MAPT: variants seen among roughly 807,000 people sequenced by gnomAD.
MAPT encodes microtubule associated protein tau, also known as microtubule-associated protein tau.
Under a neutral mutation model 67.9 loss-of-function variants are expected in MAPT, and 34 were observed. That is an observed-to-expected ratio of 0.50 (90% CI 0.38 to 0.67). The LOEUF (loss-of-function observed/expected upper bound fraction) is 0.67. MAPT is among the 30% of genes least tolerant of loss of function. The probability of loss-of-function intolerance (pLI) is 0.00; values close to 1 mark genes in which losing one functional copy is unlikely to be tolerated. For synonymous variants in MAPT, 456 were observed against 464.5 expected, an observed-to-expected ratio of 0.98 and a Z score of 0.23; for missense variants, 881 against 1,115.2, an observed-to-expected ratio of 0.79 and a Z score of 2.99.
At chr17:45,998,296 A>T (rs908691709) in intron 9 of MAPT, among the ~76,000 whole-genome samples, 1 of 151,736 alleles carries the variant, frequency 6.6e-6, no homozygotes, top group Admixed American at 6.6e-5. Flanking sequence ...GCAGTGTCAC[A>T]TCCCATCGGG....
intron 1 of MAPT, among the ~76,000 whole-genome samples, chr17:45,959,106 C>A (rs2070087867): frequency 6.6e-6 from 1 of 152,064 alleles, no homozygotes; most frequent in South Asian, 2.1e-4. Flanking sequence ...TCTAGGATAT[C>A]ATTTAAAAAA....
At chr17:46,003,016 T>C (rs2075134022) in intron 9 of MAPT, among the ~76,000 whole-genome samples, 1 of 152,116 alleles carries the variant, frequency 6.6e-6, no homozygotes, top group Admixed American at 6.6e-5. Flanking sequence ...ACTCCTGGGC[T>C]CAAGTGATCC....
rs940936590 is a variant in MAPT at position 45,982,886 on chromosome 17, C to T, written c.307C>T (p.Arg103Trp). ...VTQEELRVPG[R>W]QRKAPERPLA... ...ACCAGAGGAGTTGAGAGTTCCGGGCCGGCAGAGGAAGGCGCCTGAAAGGCC... is the reference window on the plus strand; with the variant it reads ...ACCAGAGGAGTTGAGAGTTCCGGGCTGGCAGAGGAAGGCGCCTGAAAGGCC... Residue 103 changes from arginine to tryptophan, a missense_variant, in exon 5 of 13, where the codon CGG (arginine) becomes TGG (tryptophan). Around this residue, in one of 6 missense-constraint regions of MAPT, gnomAD observed 687 missense variants for 766.1 expected, o/e 0.90. Transcript: ENST00000262410. 21 of 1,325,766 alleles carry T rather than the reference C, an allele frequency of 1.6e-5. No individual in the cohort carries two copies. Among genetic ancestry groups the T allele is most frequent in the Admixed American group, 3.3e-5 (1 of 30,398 alleles). The allele number at this position is 1,325,766 out of a possible 1,614,324, so 82.1% of individuals were successfully genotyped here.
intron 1 of MAPT, among the ~76,000 whole-genome samples, chr17:45,935,972 C>T (rs1347996756): frequency 2.6e-5 from 4 of 152,188 alleles, no homozygotes; most frequent in Non-Finnish European, 5.9e-5. Flanking sequence ...TTACCCATGG[C>T]CTTGGACTGT....
chr17:46,009,359 A>ACAGCCCCCCC (rs1443202746), intron 9 of MAPT, among the ~76,000 whole-genome samples: 18 of 147,664 alleles, frequency 1.2e-4, no homozygotes, highest in South Asian at 2.1e-4. Flanking sequence ...TTTCTATTTC[A>ACAGCCCCCCC]TAGTTCTTAG....
At chr17:45,984,004 A>G in intron 5 of MAPT, 74 bp downstream of exon 5, 1 of 1,302,822 alleles carries the variant, frequency 7.7e-7, no homozygotes, top group Middle Eastern at 2.1e-4. Context: ...ACTGCCACTG[A>G]GCTTCCAGGC....
chr17:45,992,946 T>TGCCTGCCC (rs977323064), intron 8 of MAPT, among the ~76,000 whole-genome samples: 6 of 151,148 alleles, frequency 4.0e-5, no homozygotes, highest in Admixed American at 3.3e-4. Context: ...ACAGCCTGCC[T>TGCCTGCCC]GCCTGCCCGA....
chr17:45,938,610 G>A (rs1043715108), intron 1 of MAPT, among the ~76,000 whole-genome samples: 2 of 152,076 alleles, frequency 1.3e-5, no homozygotes, highest in African/African-American at 4.8e-5. Flanking sequence ...TCTCTGAAAG[G>A]CTACTTTACA....
chr17:45,959,713 G>A (rs113793114), intron 1 of MAPT, among the ~76,000 whole-genome samples: 21,819 of 152,050 alleles, frequency 0.14, 2,136 homozygotes, highest in Non-Finnish European at 0.22. Context: ...GCAAGGAGGC[G>A]GAGGTTTCAG....
intron 1 of MAPT, among the ~76,000 whole-genome samples, chr17:45,944,872 G>A (rs1038736420): frequency 2.6e-5 from 4 of 152,108 alleles, no homozygotes; most frequent in Non-Finnish European, 2.9e-5. Context: ...ATGCTGCTGC[G>A]ACAGTCCCAC....
chr17:45,971,634 C>G lies in MAPT; in HGVS notation c.134-225C>G, dbSNP rs1037049320. 6.6e-6 allele frequency among the ~76,000 whole-genome samples: 1 copy of G among 152,216 alleles called. No homozygotes were observed. The highest frequency in any genetic ancestry group is 2.1e-4 in the South Asian group (1 of 4,834). On this transcript the variant is annotated intron_variant, in intron 2 of 12. Coordinates refer to ENST00000262410, the MANE Select transcript of MAPT (RefSeq NM_001377265.1). The surrounding 1 kb of genome is among the most constrained non-coding windows in gnomAD (Gnocchi z 4.3). The stretch of plus-strand genomic sequence containing the variant: ...CTTTCACCCAGGAGCAAACGCACAT[C>G]ACCTGTGTCCTCATCTGATGGCCCT...
intron 5 of MAPT, 121 bp downstream of exon 5, chr17:45,984,051 C>G (rs2073290203): frequency 1.1e-6 from 1 of 870,962 alleles, no homozygotes; most frequent in African/African-American, 1.7e-5. Context: ...TCCTAGGACG[C>G]CACTAAATCG....
intron 1 of MAPT, among the ~76,000 whole-genome samples, chr17:45,904,050 T>TATTATAG (rs2063965215): frequency 3.2e-4 from 10 of 31,166 alleles, no homozygotes; most frequent in Non-Finnish European, 5.3e-4. Flanking sequence ...TATTTATATA[T>TATTATAG]ATTATATATT....
rs779725501 is a variant in MAPT at position 45,996,365 on chromosome 17, G to C, written c.1733-34G>C. ...GGGCCTTTTCTGACCCCACCCACTC[G>C]AGTCCTGGCTTCACTCCCTTCCTTC... On this transcript the variant is annotated intron_variant, in intron 8 of 12. Transcript: ENST00000262410. The surrounding 1 kb of genome is among the most constrained non-coding windows in gnomAD (Gnocchi z 4.5). 1 of 1,606,758 alleles carries C rather than the reference G, an allele frequency of 6.2e-7. No individual in the cohort carries two copies. The highest frequency in any genetic ancestry group is 2.2e-5 in the East Asian group (1 of 44,866).
rs1330018268 is a variant in MAPT at position 45,983,287 on chromosome 17, G to A, written c.708G>A (p.Glu236=). 11 of 1,598,894 alleles carry A rather than the reference G, an allele frequency of 6.9e-6. No homozygotes were observed. The South Asian group carries it at 9.0e-5, about 13-fold the overall frequency. Residue 236 remains glutamate, a synonymous_variant, in exon 5 of 13, where the codon GAG becomes GAA. Transcript: ENST00000262410. The part of the protein sequence containing the change: ...SGMPGAPLLP[E]GPREATRQPS... ...TGCCTGGGGCTCCCCTCCTGCCTGA[G>A]GGCCCCAGAGAGGCCACACGCCAAC...
chr17:46,008,963 C>G (rs541254695), intron 9 of MAPT, among the ~76,000 whole-genome samples: 1 of 152,138 alleles, frequency 6.6e-6, no homozygotes, highest in Non-Finnish European at 1.5e-5. Flanking sequence ...TTTGGGAAGC[C>G]GAGGTGGGCT....
At chr17:45,967,457 T>A (rs75145092) in intron 2 of MAPT, among the ~76,000 whole-genome samples, 22,018 of 152,228 alleles carry the variant, frequency 0.14, 2,147 homozygotes, top group Non-Finnish European at 0.22. Context: ...ATGCTGCCTC[T>A]CCATTTGTCC....
At chr17:46,003,097 G>T (rs1374280920) in intron 9 of MAPT, among the ~76,000 whole-genome samples, 1 of 134,548 alleles carries the variant, frequency 7.4e-6, no homozygotes, top group Non-Finnish European at 1.7e-5. Flanking sequence ...TCTTTTTAAG[G>T]GCGTGTGTGT....
At chr17:46,009,787 A>G (rs2075698064) in intron 9 of MAPT, among the ~76,000 whole-genome samples, 1 of 152,238 alleles carries the variant, frequency 6.6e-6, no homozygotes, top group Admixed American at 6.5e-5. Flanking sequence ...ATTCTAGGTC[A>G]GGGCTAGGGG....
Sources: allele counts gnomAD v4.1 joint callset (sites outside exome capture counted in the v4.1 genomes callset), GRCh38; gene constraint gnomAD v4.1.1; regional missense constraint gnomAD v4.1.1; non-coding constraint Gnocchi (gnomAD v3.1); transcripts MANE v1.5; gene names NCBI Gene and HGNC (gene_info 2026-07-23, HGNC 2026-07-21).